CDS2: variants seen among roughly 807,000 people sequenced by gnomAD.
CDS2 encodes the protein CDP-diacylglycerol synthase 2, also known as phosphatidate cytidylyltransferase 2.
Under a neutral mutation model 59.0 loss-of-function variants are expected in CDS2, and 47 were observed. The ratio of observed to expected loss-of-function variants is 0.80; its 90% CI spans 0.63 to 1.02. The LOEUF is 1.02. CDS2 is among the 50% of genes least tolerant of loss of function. The pLI is 0.00. For missense variants in CDS2, 356 were observed against 558.9 expected (o/e 0.64, Z 3.66); for synonymous variants, 207 against 206.4 (o/e 1.00, Z -0.02).
Position 5,157,782 on chromosome 20 carries a change from A to C in CDS2, c.58-15741A>C, listed in dbSNP as rs145620537. 4.1e-3 allele frequency among the ~76,000 whole-genome samples: 626 copies of C among 152,274 alleles called. 5 individuals carry two copies. The highest frequency in any genetic ancestry group is 0.014 in the African/African-American group (598 of 41,558). ...CAGCCTCATGACCTAATCACCTTCC[A>C]GTAGCTCCATCTTCTAATACCATTG... On this transcript the variant is annotated intron_variant, in intron 1 of 12. Coordinates refer to ENST00000460006, the MANE Select transcript of CDS2 (RefSeq NM_003818.4).
At chr20:5,141,813 G>A (rs1452152324) in intron 1 of CDS2, among the ~76,000 whole-genome samples, 2 of 152,094 alleles carry the variant, frequency 1.3e-5, no homozygotes, top group Admixed American at 6.5e-5. Flanking sequence ...GCTACTGTCC[G>A]CTGCAGAATT....
At chr20:5,145,236 A>ACCCCCC (rs796723724) in intron 1 of CDS2, among the ~76,000 whole-genome samples, 139 of 51,956 alleles carry the variant, frequency 2.7e-3, no homozygotes, top group South Asian at 3.4e-3. Context: ...GAAAGGAAAG[A>ACCCCCC]CCCCCCCCCC....
chr20:5,181,545 T>C (rs1189556753), intron 5 of CDS2, among the ~76,000 whole-genome samples: 1 of 152,242 alleles, frequency 6.6e-6, no homozygotes, highest in East Asian at 1.9e-4. Context: ...CAGCAAACTT[T>C]TTATTAAAGT....
intron 4 of CDS2, 44 bp from the exon 5 acceptor site, chr20:5,178,773 A>C: frequency 6.2e-7 from 1 of 1,608,846 alleles, no homozygotes; most frequent in Non-Finnish European, 8.5e-7. Context: ...CTTGCTGTGA[A>C]GGCAAGGGTG....
intron 1 of CDS2, among the ~76,000 whole-genome samples, chr20:5,167,267 G>A: frequency 6.6e-6 from 1 of 152,194 alleles, no homozygotes; most frequent in East Asian, 1.9e-4. Flanking sequence ...CAGTTAACCT[G>A]TTAGAGATGC....
At chr20:5,177,499 A>G (rs142933842) in intron 4 of CDS2, among the ~76,000 whole-genome samples, 55 of 152,230 alleles carry the variant, frequency 3.6e-4, no homozygotes, top group African/African-American at 1.3e-3. Context: ...AAAACCTGTA[A>G]CACATGTCTG....
chr20:5,165,347 C>T (rs180733909), intron 1 of CDS2, among the ~76,000 whole-genome samples: 54 of 152,290 alleles, frequency 3.5e-4, no homozygotes, highest in African/African-American at 1.2e-3. Flanking sequence ...TGTCAGCCTA[C>T]GCGACATGTA....
At chr20:5,178,671 G>C in intron 4 of CDS2, 146 bp from the exon 5 acceptor site, 1 of 683,696 alleles carries the variant, frequency 1.5e-6, no homozygotes, top group Admixed American at 2.7e-5. Context: ...GGAAACCATG[G>C]TCTGCCTGTT....
At chr20:5,173,031 C>T (rs1335292029) in intron 1 of CDS2, among the ~76,000 whole-genome samples, 1 of 152,166 alleles carries the variant, frequency 6.6e-6, no homozygotes, top group Non-Finnish European at 1.5e-5. Flanking sequence ...CTGTGATTGA[C>T]CTCCTCACAG....
At chr20:5,138,845 TGGTTAAAATGACCGTA>T (rs2090669677) in intron 1 of CDS2, among the ~76,000 whole-genome samples, 1 of 151,938 alleles carries the variant, frequency 6.6e-6, no homozygotes, top group Non-Finnish European at 1.5e-5. Context: ...CACTGCAGTA[TGGTTAAAATGACCGTA>T]CTACCTAAAA....
intron 1 of CDS2, among the ~76,000 whole-genome samples, chr20:5,133,817 G>C (rs565320930): frequency 1.3e-5 from 2 of 152,250 alleles, no homozygotes; most frequent in South Asian, 4.2e-4. Flanking sequence ...GAGCCACCGC[G>C]CCTGGCCTAT....
chr20:5,150,454 G>A (rs1304253267), intron 1 of CDS2, among the ~76,000 whole-genome samples: 5 of 152,194 alleles, frequency 3.3e-5, no homozygotes, highest in African/African-American at 1.2e-4. Flanking sequence ...TTTCTCCCAC[G>A]GGTTGGCCAA....
intron 9 of CDS2, among the ~76,000 whole-genome samples, chr20:5,186,199 A>G (rs1246730132): frequency 6.6e-5 from 10 of 152,188 alleles, no homozygotes; most frequent in Admixed American, 6.5e-4. Flanking sequence ...CCAGAGCACC[A>G]TTCTCTGCTT....
intron 1 of CDS2, among the ~76,000 whole-genome samples, chr20:5,158,536 G>GGTT (rs1423828789): frequency 2.0e-5 from 3 of 152,100 alleles, no homozygotes; most frequent in Non-Finnish European, 4.4e-5. Flanking sequence ...CTTGTTTCCA[G>GGTT]ATTATAATGG....
rs2091140710 is a variant in CDS2 at position 5,194,329 on chromosome 20, T to C, written c.*4095T>C. 1 of 152,244 alleles carries C rather than the reference T, an allele frequency of 6.6e-6. No individual in the cohort carries two copies. The highest frequency in any genetic ancestry group is 2.4e-5 in the African/African-American group (1 of 41,438). 9.4% of individuals were successfully genotyped at this position (152,244 alleles called of 1,614,324 possible). A position where few individuals can be genotyped will look rare whatever the true frequency, so the allele number is the denominator to read the frequency against. The stretch of plus-strand genomic sequence containing the variant: ...ATGGGGTGCTAGGGTTTAAACCAAG[T>C]GGTCACGAAGGATTCTTATCTCAGG... On this transcript the variant is annotated 3_prime_UTR_variant, in exon 13 of 13. Transcript: ENST00000460006.
At chr20:5,130,622 A>G (rs540918054) in intron 1 of CDS2, among the ~76,000 whole-genome samples, 14 of 151,900 alleles carry the variant, frequency 9.2e-5, no homozygotes, top group Non-Finnish European at 1.5e-4. Context: ...CGTCTCTACT[A>G]AAAATACAAA....
At chr20:5,183,215 C>A in intron 7 of CDS2, 72 bp downstream of exon 7, 1 of 1,271,264 alleles carries the variant, frequency 7.9e-7, no homozygotes, top group Non-Finnish European at 1.1e-6. Flanking sequence ...CCCCTCTAAG[C>A]CAGTGGCCCT....
At chr20:5,149,806 C>G (rs2090774279) in intron 1 of CDS2, among the ~76,000 whole-genome samples, 1 of 152,080 alleles carries the variant, frequency 6.6e-6, no homozygotes, top group Non-Finnish European at 1.5e-5. Context: ...ACCTCCGCCC[C>G]CCGGGTTCAA....
chr20:5,147,283 G>A (rs145520932), intron 1 of CDS2, among the ~76,000 whole-genome samples: 141 of 152,320 alleles, frequency 9.3e-4, no homozygotes, highest in African/African-American at 3.1e-3. Flanking sequence ...AGGATGGAGA[G>A]TAGATGAGAC....
Sources: allele counts gnomAD v4.1 joint callset (sites outside exome capture counted in the v4.1 genomes callset), GRCh38; gene constraint gnomAD v4.1.1; transcripts MANE v1.5; gene names NCBI Gene and HGNC (gene_info 2026-07-23, HGNC 2026-07-21).